Variants in NHSL1 observed in about 807,000 individuals in gnomAD.
The protein encoded by NHSL1 is NHS-like protein 1.
Under a neutral mutation model 95.0 loss-of-function variants are expected in NHSL1, and 48 were observed. The ratio of observed to expected loss-of-function variants is 0.51; its 90% CI spans 0.40 to 0.64. NHSL1 has a LOEUF of 0.64. NHSL1 is among the 30% of genes least tolerant of loss of function. NHSL1 has a pLI of 0.00. For synonymous variants in NHSL1, 783 were observed against 833.9 expected (o/e 0.94, Z 1.05); for missense variants, 1,971 against 2,077.7 (o/e 0.95, Z 1.00).
upstream of NHSL1, among the ~76,000 whole-genome samples, chr6:138,502,032 T>C (rs1382599125): frequency 6.6e-6 from 1 of 152,186 alleles, no homozygotes; most frequent in Non-Finnish European, 1.5e-5. Context: ...CCTGTGGATA[T>C]GGAGAGCCAA....
chr6:138,545,194 AGTT>A (rs1782743073), intron 1 of NHSL1, among the ~76,000 whole-genome samples: 1 of 151,730 alleles, frequency 6.6e-6, no homozygotes, highest in African/African-American at 2.4e-5. Context: ...TTCACTCCTA[AGTT>A]CACAGAGTAA....
chr6:138,623,473 T>C (rs1447759928), intron 1 of NHSL1, among the ~76,000 whole-genome samples: 2 of 152,224 alleles, frequency 1.3e-5, no homozygotes, highest in East Asian at 3.8e-4. Context: ...TATTATAGAA[T>C]GCTAAATCAA....
chr6:138,639,797 CAAAAAAAAAAA>C (rs56909767), intron 1 of NHSL1, among the ~76,000 whole-genome samples: 38 of 22,590 alleles, frequency 1.7e-3, no homozygotes, highest in South Asian at 4.1e-3. Flanking sequence ...GACTCAGTCT[CAAAAAAAAAAA>C]AAAAAAAAAA....
chr6:138,456,884 T>C (rs1307195396), intron 3 of NHSL1, among the ~76,000 whole-genome samples: 1 of 130,242 alleles, frequency 7.7e-6, no homozygotes, highest in East Asian at 2.1e-4. Flanking sequence ...TCTTTCTTTC[T>C]TTTTTTTTTT....
At chr6:138,509,382 C>T (rs1359452726) in intron 1 of NHSL1, among the ~76,000 whole-genome samples, 1 of 152,194 alleles carries the variant, frequency 6.6e-6, no homozygotes, top group Non-Finnish European at 1.5e-5. Flanking sequence ...GTGCTTTATA[C>T]TCTGAGCTCC....
Position 138,646,247 on chromosome 6 carries a change from G to A in NHSL1, c.96+46229C>T, listed in dbSNP as rs140829560. Among the ~76,000 whole-genome samples, 513 of 152,102 alleles carry A rather than the reference G, an allele frequency of 3.4e-3. 2 individuals carry two copies. The highest frequency in any genetic ancestry group is 0.012 in the African/African-American group (492 of 41,516). ...ATCCCTTGTTATAGGTTTTCAATAC[G>A]GAATTACAAGAAAATTAAATACACC... On this transcript the variant is annotated intron_variant, in intron 1 of 3. Transcript: ENST00000491526.
At chr6:138,666,376 G>C (rs1003561411) in intron 1 of NHSL1, among the ~76,000 whole-genome samples, 1 of 152,114 alleles carries the variant, frequency 6.6e-6, no homozygotes, top group Non-Finnish European at 1.5e-5. Flanking sequence ...CAGATCATGA[G>C]GTCAAGAGAT....
At chr6:138,675,046 TAA>T (rs11354812) in intron 1 of NHSL1, among the ~76,000 whole-genome samples, 331 of 141,080 alleles carry the variant, frequency 2.3e-3, no homozygotes, top group East Asian at 4.7e-3. Flanking sequence ...ACCAGTCTCC[TAA>T]AAAAAAAAAA....
At chr6:138,478,883 G>A (rs1779249860) in intron 2 of NHSL1, among the ~76,000 whole-genome samples, 1 of 152,122 alleles carries the variant, frequency 6.6e-6, no homozygotes, top group African/African-American at 2.4e-5. Flanking sequence ...ACAAGGACGA[G>A]GGACAAACAT....
intron 1 of NHSL1, among the ~76,000 whole-genome samples, chr6:138,596,696 C>T (rs1305843681): frequency 6.6e-6 from 1 of 152,048 alleles, no homozygotes; most frequent in African/African-American, 2.4e-5. Context: ...CAGACCTGCT[C>T]CTGAGAGGTG....
intron 4 of NHSL1, among the ~76,000 whole-genome samples, chr6:138,444,290 T>G (rs1043221952): frequency 2.0e-5 from 3 of 151,694 alleles, no homozygotes; most frequent in Non-Finnish European, 4.4e-5. Flanking sequence ...AAAAAAGAAA[T>G]AAACTTGGAT....
intron 2 of NHSL1, among the ~76,000 whole-genome samples, chr6:138,483,376 T>C (rs1481246224): frequency 1.3e-5 from 2 of 152,264 alleles, no homozygotes; most frequent in Non-Finnish European, 2.9e-5. Flanking sequence ...TTAGCTGATA[T>C]GGTACAGATC....
In NHSL1 at chr6:138,499,468, T is replaced by A. The variant is rs1227270734; in HGVS notation, c.-178A>T. On this transcript the variant is annotated 5_prime_UTR_variant, in exon 1 of 8. Transcript: ENST00000343505. ...GAGGTTGAGTTTATTGTCAGGCAGT[T>A]ACAAACCATTAACAGTCCTTGAACC... 7.3e-7 allele frequency: 1 copy of A among 1,372,606 alleles called. No individual in the cohort carries two copies. Among genetic ancestry groups the A allele is most frequent in the Non-Finnish European group, 9.5e-7 (1 of 1,049,284 alleles). 85.0% of individuals were successfully genotyped at this position (1,372,606 alleles called of 1,614,324 possible).
intron 1 of NHSL1, among the ~76,000 whole-genome samples, chr6:138,678,723 A>G (rs924854579): frequency 2.6e-5 from 4 of 152,158 alleles, no homozygotes; most frequent in Non-Finnish European, 5.9e-5. Flanking sequence ...CTGTTTCCTC[A>G]TCAGTAAAAT....
intron 1 of NHSL1, among the ~76,000 whole-genome samples, chr6:138,602,525 A>G (rs1263511892): frequency 2.0e-5 from 3 of 152,076 alleles, no homozygotes; most frequent in Non-Finnish European, 4.4e-5. Context: ...TATTTTTAGT[A>G]GAGAAGGGGT....
chr6:138,575,655 C>T (rs1395413412), upstream of NHSL1, among the ~76,000 whole-genome samples: 1 of 152,122 alleles, frequency 6.6e-6, no homozygotes, highest in African/African-American at 2.4e-5. Flanking sequence ...TCCTGTTGAT[C>T]AAGAGAATAT....
chr6:138,682,812 A>T (rs552718563), intron 1 of NHSL1, among the ~76,000 whole-genome samples: 2 of 152,254 alleles, frequency 1.3e-5, no homozygotes, highest in East Asian at 3.9e-4. Context: ...GGGCGGGGCC[A>T]CCTGGGGGTG....
At chr6:138,543,039 T>C (rs1413572850) in intron 1 of NHSL1, among the ~76,000 whole-genome samples, 2 of 152,238 alleles carry the variant, frequency 1.3e-5, no homozygotes, top group Non-Finnish European at 2.9e-5. Flanking sequence ...ATTCGGATTA[T>C]AGGCTTGAGA....
chr6:138,437,359 CATATATATATAT>C (rs374814827), intron 5 of NHSL1, among the ~76,000 whole-genome samples: 1,628 of 20,968 alleles, frequency 0.078, 190 homozygotes, highest in African/African-American at 0.2. Context: ...TATATATACA[CATATATATATAT>C]ACACATATAT....
Sources: allele counts gnomAD v4.1 joint callset (sites outside exome capture counted in the v4.1 genomes callset), GRCh38; gene constraint gnomAD v4.1.1; transcripts MANE v1.5; gene names NCBI Gene and HGNC (gene_info 2026-07-23, HGNC 2026-07-21).